TANC1: variants seen among roughly 807,000 people sequenced by gnomAD.
The protein encoded by TANC1 is protein TANC1.
Under a neutral mutation model 149.7 loss-of-function variants are expected in TANC1, and 77 were observed. The observed-to-expected ratio is 0.51, with a 90% CI of 0.43 to 0.62. The LOEUF is 0.62. TANC1 is among the 20% of genes least tolerant of loss of function. The probability of loss-of-function intolerance (pLI) is 0.00; values close to 1 mark genes in which losing one functional copy is unlikely to be tolerated. For missense variants in TANC1, 1,985 were observed against 2,321.8 expected (o/e 0.85, Z 2.98); for synonymous variants, 854 against 925.0 (o/e 0.92, Z 1.39).
At chr2:159,113,017 C>T (rs2047909398) in intron 4 of TANC1, among the ~76,000 whole-genome samples, 1 of 152,140 alleles carries the variant, frequency 6.6e-6, no homozygotes, top group Non-Finnish European at 1.5e-5. Flanking sequence ...TCATTGCAAC[C>T]TCTTCCTCCT....
At chr2:159,126,801 C>T (rs2049497288) in intron 4 of TANC1, among the ~76,000 whole-genome samples, 1 of 152,226 alleles carries the variant, frequency 6.6e-6, no homozygotes, top group Non-Finnish European at 1.5e-5. Context: ...AGACTCTTGC[C>T]ATCTTAACCG....
At chr2:159,153,543 G>A (rs528037399) in intron 7 of TANC1, among the ~76,000 whole-genome samples, 23 of 152,316 alleles carry the variant, frequency 1.5e-4, no homozygotes, top group African/African-American at 3.4e-4. Context: ...TTCTCCTTCC[G>A]TGACATGCAG....
chr2:159,014,790 T>TA (rs1421421402), intron 2 of TANC1, among the ~76,000 whole-genome samples: 1 of 152,128 alleles, frequency 6.6e-6, no homozygotes, highest in Non-Finnish European at 1.5e-5. Flanking sequence ...ATCCAAATCT[T>TA]AAAGCTCCAA....
intron 2 of TANC1, among the ~76,000 whole-genome samples, chr2:159,018,326 G>A (rs567026727): frequency 6.6e-6 from 1 of 152,118 alleles, no homozygotes; most frequent in Non-Finnish European, 1.5e-5. Context: ...TTAATACTGC[G>A]CTTCCCAACC....
chr2:159,135,969 C>T (rs760777731), intron 4 of TANC1, among the ~76,000 whole-genome samples: 10 of 150,134 alleles, frequency 6.7e-5, no homozygotes, highest in Non-Finnish European at 1.5e-4. Flanking sequence ...TTTGGCAGGC[C>T]AGACTGGACG....
At chr2:159,053,316 T>G (rs1429653535) in intron 2 of TANC1, among the ~76,000 whole-genome samples, 2 of 152,204 alleles carry the variant, frequency 1.3e-5, no homozygotes, top group Non-Finnish European at 2.9e-5. Context: ...CTATTGTCCT[T>G]GCCCATATGC....
intron 2 of TANC1, among the ~76,000 whole-genome samples, chr2:159,062,972 TCAAA>T (rs2042354562): frequency 3.4e-4 from 1 of 2,946 alleles, no homozygotes; most frequent in African/African-American, 7.6e-4. Context: ...AGACTCCGTC[TCAAA>T]AAAAAAAAAA....
intron 1 of TANC1, among the ~76,000 whole-genome samples, chr2:158,976,152 A>G (rs1469968833): frequency 1.3e-5 from 2 of 152,190 alleles, no homozygotes; most frequent in African/African-American, 4.8e-5. Flanking sequence ...GTTTAAGATC[A>G]GTGGTCCCCA....
intron 22 of TANC1, among the ~76,000 whole-genome samples, chr2:159,223,731 C>T (rs78270627): frequency 0.038 from 5,725 of 152,298 alleles, 172 homozygotes; most frequent in Middle Eastern, 0.075. Context: ...TCCCAATTTC[C>T]TTCACATCTC....
At chr2:159,225,454 C>T (rs979380550) in intron 23 of TANC1, 2 of 572,980 alleles carry the variant, frequency 3.5e-6, no homozygotes, top group Non-Finnish European at 3.1e-6. Context: ...TGCTCGGATG[C>T]CTTCGTTTCT....
intron 4 of TANC1, among the ~76,000 whole-genome samples, chr2:159,131,005 A>T (rs2050018249): frequency 7.4e-6 from 1 of 134,922 alleles, no homozygotes; most frequent in African/African-American, 2.7e-5. Flanking sequence ...ATGGTCAGGG[A>T]TCTACCTTTC....
At chr2:159,115,055 A>C (rs2048096283) in intron 4 of TANC1, among the ~76,000 whole-genome samples, 1 of 152,210 alleles carries the variant, frequency 6.6e-6, no homozygotes, top group Non-Finnish European at 1.5e-5. Context: ...CTTGGCTCTA[A>C]GCTCTGGGGA....
intron 2 of TANC1, among the ~76,000 whole-genome samples, chr2:159,032,261 A>G (rs1310098543): frequency 6.6e-6 from 1 of 152,220 alleles, no homozygotes; most frequent in Non-Finnish European, 1.5e-5. Flanking sequence ...TCCAGATCAG[A>G]ATGGCAGTGC....
At chr2:159,146,981 GAC>G (rs899502230) in intron 5 of TANC1, among the ~76,000 whole-genome samples, 10 of 152,158 alleles carry the variant, frequency 6.6e-5, no homozygotes, top group African/African-American at 2.4e-4. Flanking sequence ...TCTGTTTGCA[GAC>G]ACAGTGTGGA....
chr2:159,203,607 C>CTGGAGTG, intron 19 of TANC1, among the ~76,000 whole-genome samples: 1 of 152,050 alleles, frequency 6.6e-6, no homozygotes. Context: ...ACTCTGTCAC[C>CTGGAGTG]CATGTTGGAG....
chr2:158,970,399 C>T (rs986684044), intron 1 of TANC1, among the ~76,000 whole-genome samples: 1 of 152,144 alleles, frequency 6.6e-6, no homozygotes, highest in African/African-American at 2.4e-5. Flanking sequence ...TAGGAAGATT[C>T]CAGGATTTTA....
At chr2:159,042,430 T>G (rs548009889) in intron 2 of TANC1, among the ~76,000 whole-genome samples, 32 of 152,180 alleles carry the variant, frequency 2.1e-4, no homozygotes, top group Non-Finnish European at 3.8e-4. Context: ...CCCAGGGAGA[T>G]AGGCTCTGGG....
At chr2:159,005,561 C>G (rs1423053271) in intron 2 of TANC1, among the ~76,000 whole-genome samples, 1 of 152,120 alleles carries the variant, frequency 6.6e-6, no homozygotes. Context: ...GCACTCCAAC[C>G]TGGGTGAAAG....
At chr2:159,012,438 A>AT (rs577781991) in intron 2 of TANC1, among the ~76,000 whole-genome samples, 7,515 of 145,790 alleles carry the variant, frequency 0.052, 525 homozygotes, top group African/African-American at 0.16. Flanking sequence ...TTGGCACTCT[A>AT]TTTTTTTTTT....
Sources: allele counts gnomAD v4.1 joint callset (sites outside exome capture counted in the v4.1 genomes callset), GRCh38; gene constraint gnomAD v4.1.1; transcripts MANE v1.5; gene names NCBI Gene and HGNC (gene_info 2026-07-23, HGNC 2026-07-21).